The following TAOK2 variants were observed in gnomAD, a reference collection of about 807,000 sequenced individuals.
TAOK2 encodes the protein serine/threonine-protein kinase TAO2.
Under a neutral mutation model 122.5 loss-of-function variants are expected in TAOK2, and 42 were observed. That is an observed-to-expected ratio of 0.34 (90% confidence interval 0.27 to 0.44). TAOK2 has a LOEUF of 0.44. TAOK2 is among the 20% of genes least tolerant of loss of function. The pLI is 1.00. For missense variants in TAOK2, 1,264 were observed against 1,644.9 expected (o/e 0.77, Z 4.01); for synonymous variants, 704 against 677.6 (o/e 1.04, Z -0.61).
At position 29,985,805 on chromosome 16, in the gene TAOK2, T is replaced by C; in HGVS notation, c.1936T>C (p.Tyr646His). 6.2e-7 allele frequency: 1 copy of C among 1,611,912 alleles called. No individual in the cohort carries two copies. Among genetic ancestry groups the C allele is most frequent in the Non-Finnish European group, 8.5e-7 (1 of 1,179,904 alleles). ...RQYFELQCRQ[Y>H]KRKMLLARHS... Reference sequence around the variant, plus strand: ...GTACTTTGAGCTGCAGTGTCGCCAGTACAAGCGCAAGATGTTGCTGGCTCG... The same window carrying C: ...GTACTTTGAGCTGCAGTGTCGCCAGCACAAGCGCAAGATGTTGCTGGCTCG... The change falls in exon 15 of 16, where the codon TAC becomes CAC. Residue 646 changes from tyrosine (Y) to histidine (H), a missense_variant. Physicochemically the swap from Tyr to His is moderately conservative, Grantham distance 83. Transcript: ENST00000308893. The surrounding 1 kb of genome is among the most constrained non-coding windows in gnomAD (Gnocchi z 6.9).
intron 12 of TAOK2, 21 bp downstream of exon 12, chr16:29,983,353 G>C (rs761937448): frequency 1.6e-5 from 25 of 1,579,324 alleles, no homozygotes; most frequent in Non-Finnish European, 1.8e-5. Context: ...CACCCTTGGG[G>C]GACCCGAGCC....
chr16:29,988,918 G>T (rs777347320), downstream of TAOK2: 8 of 985,282 alleles, frequency 8.1e-6, no homozygotes, highest in Admixed American at 6.1e-5. Context: ...TCTGGTCAGG[G>T]TGGTAGCTGC....
rs746115627 is a variant in TAOK2 at position 29,982,724 on chromosome 16, CT to C, written c.832-8del. 1.9e-6 allele frequency: 3 copies of C among 1,610,228 alleles called. No homozygotes were observed. The Admixed American group carries it at 5.0e-5, about 27-fold the overall frequency. On this transcript the variant is annotated splice_polypyrimidine_tract_variant and intron_variant, in intron 10 of 15. Coordinates refer to ENST00000308893, the MANE Select transcript of TAOK2 (RefSeq NM_016151.4). ...AGTTGGCAGCAGACCTCAGTGCCCT[CT>C]TCCCCCAGCACCGCTTTGTGCTCCG...
chr16:29,978,486 C>A, intron 4 of TAOK2, 133 bp downstream of exon 4: 3 of 1,000,752 alleles, frequency 3.0e-6, no homozygotes, highest in South Asian at 1.4e-5. Flanking sequence ...CTCTTTTGAC[C>A]GCTTTAGTCC....
Position 29,978,130 on chromosome 16 carries a change from G to A in TAOK2, c.174G>A (p.Lys58=), listed in dbSNP as rs2069511321. The change falls in exon 3 of 16, where the codon AAG becomes AAA. Residue 58 remains lysine (K), a synonymous_variant. Transcript: ENST00000308893. ...VRNSEVVAIK[K]MSYSGKQSNE... is the part of the protein sequence containing the mutation. The stretch of plus-strand genomic sequence containing the variant: ...ATAGTGAGGTGGTGGCCATCAAGAA[G>A]ATGTCCTACAGTGGGAAGCAGTCCA... 1.2e-6 allele frequency: 2 copies of A among 1,614,144 alleles called. No homozygotes were observed. The highest frequency in any genetic ancestry group is 2.2e-5 in the South Asian group (2 of 91,076).
chr16:29,987,870 C>A lies in TAOK2; in HGVS notation c.3598C>A (p.Arg1200Ser). The part of the protein sequence containing the change: ...RPTRIPRLLP[R>S]SQRQLGPPAS... ...CACCCGAATCCCCCGGCTACTACCA[C>A]GCAGCCAGCGCCAGCTAGGGCCCCC... is the stretch of plus-strand genomic sequence containing the variant. The change falls in exon 16 of 16, where the codon CGC (arginine) becomes AGC (serine). Residue 1200 changes from arginine (R) to serine (S), a missense_variant. Around this residue, in one of 4 missense-constraint regions of TAOK2, gnomAD observed 824 missense variants for 908.7 expected, o/e 0.91. Coordinates refer to ENST00000308893, the MANE Select transcript of TAOK2 (RefSeq NM_016151.4). 1 of 1,606,030 alleles carries A rather than the reference C, an allele frequency of 6.2e-7. No homozygotes were observed. The highest frequency in any genetic ancestry group is 1.1e-5 in the South Asian group (1 of 90,648).
At chr16:29,989,499 C>T, downstream of TAOK2, 1 of 1,581,822 alleles carries the variant, frequency 6.3e-7, no homozygotes, top group Non-Finnish European at 8.6e-7. Flanking sequence ...CTCTTCTCCC[C>T]ATTTCCCCTG....
intron 1 of TAOK2, 111 bp from the exon 2 acceptor site, chr16:29,977,627 C>T (rs2069495050): frequency 1.4e-5 from 14 of 1,024,904 alleles, no homozygotes; most frequent in African/African-American, 1.6e-5. Context: ...CTCAGCAGTG[C>T]CTCCTCCTCA....
At position 29,987,051 on chromosome 16, in the gene TAOK2, C is replaced by T; in HGVS notation, c.2779C>T (p.Pro927Ser). 1 of 1,613,082 alleles carries T rather than the reference C, an allele frequency of 6.2e-7. No homozygotes were observed. The highest frequency in any genetic ancestry group is 8.5e-7 in the Non-Finnish European group (1 of 1,179,348). Residue 927 changes from proline to serine, a missense_variant, in exon 16 of 16, where the codon CCT (proline) becomes TCT (serine). By Grantham distance (74) the Pro-to-Ser change is moderately conservative. Coordinates refer to ENST00000308893, the MANE Select transcript of TAOK2 (RefSeq NM_016151.4). ...PGDGCPSPDI[P>S]PEPPPTHLRP... ...AGATGGTTGTCCTTCCCCCGACATC[C>T]CTCCTGAACCCCCTCCAACACACCT...
In TAOK2 at chr16:29,988,052, C is replaced by A; in HGVS notation, c.*72C>A. The A allele has an allele frequency of 6.8e-7, 1 of 1,465,972 alleles. No homozygotes were observed. Among genetic ancestry groups the A allele is most frequent in the East Asian group, 2.4e-5 (1 of 42,270 alleles). The allele number at this position is 1,465,972 out of a possible 1,614,324, so 90.8% of individuals were successfully genotyped here. On this transcript the variant is annotated 3_prime_UTR_variant, in exon 16 of 16. Coordinates refer to ENST00000308893, the MANE Select transcript of TAOK2 (RefSeq NM_016151.4). ...TCTCCCACGACTCAGTGAAGTTTCT[C>A]CAGTCCCTAGTCCTCTCTTTTCACC...
chr16:29,991,410 C>A, downstream of TAOK2: 1 of 1,549,360 alleles, frequency 6.5e-7, no homozygotes, highest in South Asian at 1.2e-5. The surrounding 1 kb of genome is among the most constrained non-coding windows in gnomAD (Gnocchi z 5.6). Context: ...AGCCCTGCTG[C>A]TGCTAAGAAA....
intron 13 of TAOK2, among the ~76,000 whole-genome samples, chr16:29,984,553 T>A (rs1217505585): frequency 6.6e-6 from 1 of 152,118 alleles, no homozygotes; most frequent in East Asian, 1.9e-4. Context: ...TCCCATGGTG[T>A]TGTGCGGTAC....
downstream of TAOK2, chr16:29,988,620 C>T (rs1001202775): frequency 1.6e-4 from 159 of 985,346 alleles, no homozygotes; most frequent in Non-Finnish European, 1.9e-4. Flanking sequence ...CACCGAACTT[C>T]TTGGTCCCAC....
chr16:29,987,237 C>T lies in TAOK2; in HGVS notation c.2965C>T (p.Leu989=), dbSNP rs903731476. The change falls in exon 16 of 16, where the codon CTG becomes TTG. Residue 989 remains leucine, a synonymous_variant. Transcript: ENST00000308893. ...GGGTGGGGGTGGCCTGCAGGCAGCG[C>T]TGCTGGCCCTTGAGGTGGGGCTGGT... ...AQGGGGLQAA[L]LALEVGLVGL... 2.6e-6 allele frequency: 4 copies of T among 1,537,804 alleles called. No homozygotes were observed. Among genetic ancestry groups the T allele is most frequent in the African/African-American group, 2.8e-5 (2 of 72,172 alleles).
In TAOK2 at chr16:29,986,174, C is replaced by T. The variant is rs576387848; in HGVS notation, c.1993-91C>T. On this transcript the variant is annotated intron_variant, in intron 15 of 15. Coordinates refer to ENST00000308893, the MANE Select transcript of TAOK2 (RefSeq NM_016151.4). The surrounding 1 kb of genome is among the most constrained non-coding windows in gnomAD (Gnocchi z 4.2). ...CAGGCCCTGGGCCCTGTGTTTCTTC[C>T]GCCATCCCCAGCTCCCTCTGCCAAG... is the stretch of plus-strand genomic sequence containing the variant. 43 of 1,479,446 alleles carry T rather than the reference C, an allele frequency of 2.9e-5. No individual in the cohort carries two copies. Among genetic ancestry groups the T allele is most frequent in the Middle Eastern group, 3.7e-4 (2 of 5,372 alleles). The allele number at this position is 1,479,446 out of a possible 1,614,324, so 91.6% of individuals were successfully genotyped here. A position where few individuals can be genotyped will look rare whatever the true frequency, so the allele number is the denominator to read the frequency against.
At chr16:29,976,240 G>C (rs1192878032) in intron 1 of TAOK2, among the ~76,000 whole-genome samples, 3 of 152,096 alleles carry the variant, frequency 2.0e-5, no homozygotes, top group Non-Finnish European at 2.9e-5. Flanking sequence ...TGCTGGTGAG[G>C]GGTGCTTGGC....
chr16:29,984,018 G>A (rs1002707100), intron 13 of TAOK2, among the ~76,000 whole-genome samples: 2 of 152,036 alleles, frequency 1.3e-5, no homozygotes, highest in African/African-American at 2.4e-5. Flanking sequence ...TGTGCCTGTG[G>A]AGCCCTGTGC....
At chr16:29,975,171 T>C (rs2069416476) in intron 1 of TAOK2, among the ~76,000 whole-genome samples, 1 of 152,188 alleles carries the variant, frequency 6.6e-6, no homozygotes, top group African/African-American at 2.4e-5. Flanking sequence ...TTCCCCCAGC[T>C]GCAGTTACCT....
chr16:29,981,234 C>T (rs1410983902), intron 8 of TAOK2: 7 of 376,360 alleles, frequency 1.9e-5, no homozygotes, highest in Non-Finnish European at 3.3e-5. Flanking sequence ...CCTCTTATAC[C>T]AGTTAATACT....
Sources: allele counts gnomAD v4.1 joint callset (sites outside exome capture counted in the v4.1 genomes callset), GRCh38; gene constraint gnomAD v4.1.1; regional missense constraint gnomAD v4.1.1; non-coding constraint Gnocchi (gnomAD v3.1); transcripts MANE v1.5; gene names NCBI Gene and HGNC (gene_info 2026-07-23, HGNC 2026-07-21).